BRD10: variants seen among roughly 807,000 people sequenced by gnomAD.
The protein encoded by BRD10 is uncharacterized bromodomain-containing protein 10.
the BRD10 span, among the ~76,000 whole-genome samples, chr9:5,882,663 T>C: frequency 6.6e-6 from 1 of 152,192 alleles, no homozygotes; most frequent in African/African-American, 2.4e-5. Flanking sequence ...TCAGGACAAG[T>C]ATGTAATCCT....
At chr9:5,972,879 C>T in the BRD10 span, among the ~76,000 whole-genome samples, 2 of 152,062 alleles carry the variant, frequency 1.3e-5, no homozygotes, top group Non-Finnish European at 2.9e-5. Flanking sequence ...CTTTAATATA[C>T]TCAGAAAATA....
the BRD10 span, among the ~76,000 whole-genome samples, chr9:5,966,001 A>T: frequency 6.6e-6 from 1 of 152,220 alleles, no homozygotes; most frequent in Non-Finnish European, 1.5e-5. Context: ...GAATTGGCCA[A>T]TGTTTACCCA....
chr9:6,005,222 T>C, the BRD10 span, among the ~76,000 whole-genome samples: 1 of 152,248 alleles, frequency 6.6e-6, no homozygotes, highest in South Asian at 2.1e-4. Flanking sequence ...AAGAAATGTT[T>C]ATTATAGGCC....
chr9:5,922,079 A>G, the BRD10 span: 6 of 1,614,040 alleles, frequency 3.7e-6, no homozygotes, highest in Non-Finnish European at 5.1e-6. Context: ...ACTTGAAGAT[A>G]CAGTATTGGG....
At chr9:5,988,596 T>C in the BRD10 span, 2 of 1,345,578 alleles carry the variant, frequency 1.5e-6, no homozygotes, top group Non-Finnish European at 2.1e-6. Flanking sequence ...GGATAAGCAA[T>C]AAACCCCCTT....
the BRD10 span, among the ~76,000 whole-genome samples, chr9:5,980,684 G>T: frequency 9.1e-3 from 1,382 of 151,416 alleles, 18 homozygotes; most frequent in African/African-American, 0.027. Flanking sequence ...TATGTATATA[G>T]AGAGAGAGAG....
At chr9:5,975,544 G>C in the BRD10 span, among the ~76,000 whole-genome samples, 6 of 150,404 alleles carry the variant, frequency 4.0e-5, no homozygotes, top group Non-Finnish European at 7.4e-5. Context: ...AGAGACATGA[G>C]AGATATAAAG....
chr9:5,959,757 T>A, the BRD10 span, among the ~76,000 whole-genome samples: 1 of 152,170 alleles, frequency 6.6e-6, no homozygotes, highest in Non-Finnish European at 1.5e-5. Flanking sequence ...TCTCAGTCAT[T>A]TCCTATAAAG....
At chr9:5,943,085 C>T in the BRD10 span, among the ~76,000 whole-genome samples, 6 of 152,046 alleles carry the variant, frequency 3.9e-5, no homozygotes, top group South Asian at 6.2e-4. Flanking sequence ...CTATGTTGTC[C>T]AAGTTGGTCT....
At chr9:5,921,140 G>A in the BRD10 span, 3 of 1,613,784 alleles carry the variant, frequency 1.9e-6, no homozygotes, top group Admixed American at 5.0e-5. Context: ...ACCACTTGTT[G>A]ACAATGGCAA....
the BRD10 span, among the ~76,000 whole-genome samples, chr9:5,967,406 T>C: frequency 1.3e-5 from 2 of 152,212 alleles, no homozygotes; most frequent in African/African-American, 4.8e-5. Context: ...TTGACAAATA[T>C]ATAGGGCATT....
the BRD10 span, among the ~76,000 whole-genome samples, chr9:5,974,791 C>G: frequency 7.2e-5 from 11 of 152,134 alleles, no homozygotes; most frequent in African/African-American, 1.7e-4. Flanking sequence ...AGTGCCTGTT[C>G]CCACTAACCA....
At chr9:5,891,064 G>C in the BRD10 span, 4 of 152,192 alleles carry the variant, frequency 2.6e-5, no homozygotes, top group African/African-American at 7.2e-5. Context: ...GAATTTCTCC[G>C]CAACGTTTGT....
chr9:5,919,484 G>C, the BRD10 span: 5 of 529,336 alleles, frequency 9.4e-6, no homozygotes, highest in Non-Finnish European at 1.3e-5. Flanking sequence ...AAATGGAACA[G>C]ATCTTTCCCT....
At chr9:5,954,828 C>T in the BRD10 span, among the ~76,000 whole-genome samples, 1 of 152,130 alleles carries the variant, frequency 6.6e-6, no homozygotes, top group Non-Finnish European at 1.5e-5. Context: ...CGGTGGCTCA[C>T]ACCTGTAATC....
At chr9:5,949,374 C>CA in the BRD10 span, among the ~76,000 whole-genome samples, 464 of 146,520 alleles carry the variant, frequency 3.2e-3, 2 homozygotes, top group African/African-American at 0.011. Context: ...AACAAACAAA[C>CA]AACAACAACA....
the BRD10 span, among the ~76,000 whole-genome samples, chr9:5,925,158 A>G: frequency 6.6e-6 from 1 of 152,212 alleles, no homozygotes; most frequent in African/African-American, 2.4e-5. Context: ...CAGGAGTTTG[A>G]GACCAGCCTG....
chr9:6,008,087 A>AC, the BRD10 span: 1 of 970,540 alleles, frequency 1.0e-6, no homozygotes, highest in Non-Finnish European at 1.2e-6. Context: ...ACCCCTCCGC[A>AC]CCCCGCCCGC....
chr9:5,969,073 T>A, the BRD10 span: 6 of 1,613,226 alleles, frequency 3.7e-6, no homozygotes, highest in Non-Finnish European at 4.2e-6. Context: ...GATTTTCAGT[T>A]TGCCCTACAG....
Sources: allele counts gnomAD v4.1 joint callset (sites outside exome capture counted in the v4.1 genomes callset), GRCh38; gene constraint gnomAD v4.1.1; transcripts MANE v1.5; gene names NCBI Gene and HGNC (gene_info 2026-07-23, HGNC 2026-07-21).